The following ADAM28 variants were observed in gnomAD, a reference collection of about 807,000 sequenced individuals.
The protein encoded by ADAM28 is ADAM metallopeptidase domain 28, also known as disintegrin and metalloproteinase domain-containing protein 28.
Under a neutral mutation model 101.2 loss-of-function variants are expected in ADAM28, and 105 were observed. The observed-to-expected ratio is 1.04, with a 90% CI of 0.89 to 1.22. The LOEUF (loss-of-function observed/expected upper bound fraction) is 1.22, where lower values mean the gene tolerates loss of function less well. ADAM28 is among the 50% of genes most tolerant of loss of function. The probability of loss-of-function intolerance (pLI) is 0.00; values close to 1 mark genes in which losing one functional copy is unlikely to be tolerated. For missense variants in ADAM28, 1,028 were observed against 945.4 expected, an observed-to-expected ratio of 1.09 and a Z score of -1.15; for synonymous variants, 322 against 310.6, an observed-to-expected ratio of 1.04 and a Z score of -0.39.
chr8:24,326,019 G>GT (rs1812573956), intron 9 of ADAM28, among the ~76,000 whole-genome samples: 2 of 151,172 alleles, frequency 1.3e-5, no homozygotes, highest in South Asian at 4.2e-4. Flanking sequence ...ATCTATGGAA[G>GT]TATAAGTGCA....
chr8:24,310,017 C>A lies in ADAM28; in HGVS notation c.227+47C>A, dbSNP rs1417869061. Reference sequence around the variant, plus strand: ...ATTATCCTCAGCAAGAGCAAGGCAGCCTATGGAGAGTGTGCTGAGTCTGTT... The same window carrying A: ...ATTATCCTCAGCAAGAGCAAGGCAGACTATGGAGAGTGTGCTGAGTCTGTT... On this transcript the variant is annotated intron_variant, in intron 3 of 22. Coordinates refer to ENST00000265769, the MANE Select transcript of ADAM28 (RefSeq NM_014265.6). 4 of 1,496,562 alleles carry A rather than the reference C, an allele frequency of 2.7e-6. No homozygotes were observed. In the East Asian group the frequency reaches 6.8e-5, roughly 25 times the overall value. 92.7% of individuals were successfully genotyped at this position (1,496,562 alleles called of 1,614,324 possible). A position where few individuals can be genotyped will look rare whatever the true frequency, so the allele number is the denominator to read the frequency against.
chr8:24,309,088 T>A (rs149549435), intron 2 of ADAM28, among the ~76,000 whole-genome samples: 4 of 152,306 alleles, frequency 2.6e-5, no homozygotes, highest in African/African-American at 9.6e-5. Context: ...AAGTCAGAAC[T>A]TAGTACCCCA....
At chr8:24,349,662 T>C (rs1042844016) in intron 18 of ADAM28, among the ~76,000 whole-genome samples, 4 of 152,190 alleles carry the variant, frequency 2.6e-5, no homozygotes, top group African/African-American at 9.7e-5. Context: ...ATGTTTCCTA[T>C]AGATTTCATG....
chr8:24,331,358 G>T (rs1352067616), intron 12 of ADAM28, 31 bp downstream of exon 12: 1 of 1,565,930 alleles, frequency 6.4e-7, no homozygotes, highest in Non-Finnish European at 8.6e-7. Context: ...AAACGATCTA[G>T]TTGGTTTTTC....
rs1287352791 is a variant in ADAM28, at chr8:24,329,886, TGAGAGAGAGAGA to T, written c.973-80_973-69del. ...GTGTGTGTTTGTGTGTGTGTGTGTG[TGAGAGAGAGAGA>T]GAGAGAGAGAGAGAGAGATGGCAAG... On this transcript the variant is annotated intron_variant, in intron 10 of 22. Transcript: ENST00000265769. 11 of 564,504 alleles carry T rather than the reference TGAGAGAGAGAGA, an allele frequency of 1.9e-5. No homozygotes were observed. The East Asian group carries it at 3.2e-4, about 17-fold the overall frequency. 35.0% of individuals were successfully genotyped at this position (564,504 alleles called of 1,614,324 possible).
rs1203154538 is a variant in ADAM28, at chr8:24,305,468, TTTTTTTTTTA to T, written c.151-4425_151-4416del. Reference sequence around the variant, plus strand: ...AGAGGTTTCTTTTTTTTTTTTTTTTTTTTTTTTTTAAAATATGTCTTTGCTATGTCTCTAC... The same window carrying T: ...AGAGGTTTCTTTTTTTTTTTTTTTTTAAATATGTCTTTGCTATGTCTCTAC... On this transcript the variant is annotated intron_variant, in intron 2 of 22. Transcript: ENST00000265769. Among the ~76,000 whole-genome samples the T allele has an allele frequency of 1.9e-3, 276 of 146,512 alleles. 4 individuals are homozygous for T. The highest frequency in any genetic ancestry group is 6.5e-3 in the African/African-American group (257 of 39,616).
chr8:24,312,523 A>G (rs764916013), intron 5 of ADAM28, among the ~76,000 whole-genome samples: 21 of 152,190 alleles, frequency 1.4e-4, no homozygotes, highest in Non-Finnish European at 2.6e-4. Flanking sequence ...AATAAACCCC[A>G]TAATTTATCT....
intron 21 of ADAM28, 119 bp downstream of exon 21, chr8:24,352,171 A>G: frequency 1.1e-6 from 1 of 884,620 alleles, no homozygotes; most frequent in South Asian, 1.7e-5. Context: ...CTATGTGAAT[A>G]TTAATATAAA....
At position 24,353,155 on chromosome 8, in the gene ADAM28, A is replaced by AGCTCT. The variant is rs1816370331; in HGVS notation, c.2245-608_2245-604dup. Among the ~76,000 whole-genome samples, 8 of 152,298 alleles carry AGCTCT rather than the reference A, an allele frequency of 5.3e-5. No individual in the cohort carries two copies. In the South Asian group the frequency reaches 1.7e-3, roughly 32 times the overall value. On this transcript the variant is annotated intron_variant, in intron 21 of 22. Transcript: ENST00000265769. ...ATGCAATTATTGAGAAACGATAAAT[A>AGCTCT]GCTCTGCTCTGTGAGGTCTCAAAGA...
chr8:24,343,479 A>C (rs1815034314), intron 17 of ADAM28, 27 bp from the exon 18 acceptor site: 1 of 1,609,760 alleles, frequency 6.2e-7, no homozygotes, highest in South Asian at 1.1e-5. Context: ...CCTAGCGGGG[A>C]CAGTAACAGG....
intron 5 of ADAM28, among the ~76,000 whole-genome samples, chr8:24,312,298 A>G (rs2129269393): frequency 6.6e-6 from 1 of 152,160 alleles, no homozygotes; most frequent in East Asian, 1.9e-4. Flanking sequence ...TATGGTTTCC[A>G]TGTTCTTTAT....
chr8:24,308,234 A>G (rs2129257979), intron 2 of ADAM28, among the ~76,000 whole-genome samples: 1 of 152,322 alleles, frequency 6.6e-6, no homozygotes, highest in Admixed American at 6.5e-5. Context: ...TACAGAGTAC[A>G]CAACTAGAAC....
At chr8:24,311,501 AC>A in intron 5 of ADAM28, 64 bp downstream of exon 5, 1 of 1,275,970 alleles carries the variant, frequency 7.8e-7, no homozygotes, top group Non-Finnish European at 1.1e-6. Context: ...TATCTAACCA[AC>A]CAGATGAATC....
chr8:24,335,016 G>T (rs1054905965), intron 13 of ADAM28, among the ~76,000 whole-genome samples: 1 of 152,178 alleles, frequency 6.6e-6, no homozygotes, highest in Non-Finnish European at 1.5e-5. Context: ...TGCTGATCTG[G>T]TGCTTGTAAG....
chr8:24,305,190 T>G (rs1206345672), intron 2 of ADAM28, among the ~76,000 whole-genome samples: 1 of 152,078 alleles, frequency 6.6e-6, no homozygotes, highest in Non-Finnish European at 1.5e-5. Flanking sequence ...ACTCTATATT[T>G]AGAGTCTCTT....
At chr8:24,308,230 G>C (rs1427335741) in intron 2 of ADAM28, among the ~76,000 whole-genome samples, 1 of 152,130 alleles carries the variant, frequency 6.6e-6, no homozygotes, top group East Asian at 1.9e-4. Flanking sequence ...AACCTACAGA[G>C]TACACAACTA....
Position 24,355,956 on chromosome 8 carries a change from C to CACTT in ADAM28, c.*1555_*1558dup, listed in dbSNP as rs1389020808. ...GTCTGCTTCACCCATTTCTATCAAT[C>CACTT]ACTTACCTGGTCCCCACAGGCCTGT... is the stretch of plus-strand genomic sequence containing the variant. On this transcript the variant is annotated 3_prime_UTR_variant, in exon 23 of 23. Transcript: ENST00000265769. 3.3e-5 allele frequency: 5 copies of CACTT among 152,130 alleles called. No individual in the cohort carries two copies. The highest frequency in any genetic ancestry group is 9.7e-5 in the African/African-American group (4 of 41,418). The allele number at this position is 152,130 out of a possible 1,614,324, so 9.4% of individuals were successfully genotyped here. A position where few individuals can be genotyped will look rare whatever the true frequency, so the allele number is the denominator to read the frequency against.
chr8:24,320,790 T>C (rs1313418242), intron 7 of ADAM28, among the ~76,000 whole-genome samples: 1 of 151,990 alleles, frequency 6.6e-6, no homozygotes, highest in Non-Finnish European at 1.5e-5. Context: ...GTTTTCAAAA[T>C]TTAAAATGCA....
intron 1 of ADAM28, among the ~76,000 whole-genome samples, chr8:24,299,390 A>T (rs1808402204): frequency 6.6e-6 from 1 of 152,162 alleles, no homozygotes; most frequent in Admixed American, 6.5e-5. Context: ...TGCAAAAATA[A>T]GGTTTTTCTG....
Sources: gnomAD v4.1 joint callset for allele counts (sites outside exome capture counted in the v4.1 genomes callset) on GRCh38, gnomAD v4.1.1 for gene constraint, MANE v1.5 for transcripts, NCBI Gene and HGNC (gene_info 2026-07-23, HGNC 2026-07-21) for gene names.